TSACC: variants seen among roughly 807,000 people sequenced by gnomAD.
The protein encoded by TSACC is TSSK6-activating co-chaperone protein.
TSACC carries 3 observed loss-of-function variants against 6.9 expected under a neutral mutation model. That is an observed-to-expected ratio of 0.43 (90% CI 0.20 to 1.12). TSACC has a LOEUF of 1.12. TSACC is among the 50% of genes most tolerant of loss of function. The pLI is 0.28. For synonymous variants in TSACC, 54 were observed against 55.1 expected, an observed-to-expected ratio of 0.98 and a Z score of 0.09; for missense variants, 137 against 143.9, an observed-to-expected ratio of 0.95 and a Z score of 0.24.
rs192144126 is a variant in TSACC, at chr1:156,341,313, C to T, written c.34+1522C>T. Among the ~76,000 whole-genome samples the T allele has an allele frequency of 1.2e-3, 190 of 152,312 alleles. 1 individual carries two copies. The highest frequency in any genetic ancestry group is 4.4e-3 in the African/African-American group (181 of 41,576). ...GCAAATTTCATGACTTAAGTTTCCT[C>T]AAGTGAAATGTAGGTAAAGCTACCT... On this transcript the variant is annotated intron_variant, in intron 2 of 3. Transcript: ENST00000368254.
upstream of TSACC, chr1:156,337,802 C>A (rs202230308): frequency 2.5e-4 from 67 of 273,164 alleles, no homozygotes; most frequent in South Asian, 9.9e-4. Flanking sequence ...GAAAAAAAAA[C>A]AAAAAAAAAC....
intron 3 of TSACC, among the ~76,000 whole-genome samples, chr1:156,346,330 T>G (rs1397898335): frequency 3.3e-5 from 5 of 151,994 alleles, no homozygotes; most frequent in Admixed American, 3.3e-4. Context: ...TCCCCTGAGC[T>G]CTAGGGAAGG....
At position 156,346,765 on chromosome 1, in the gene TSACC, G is replaced by A; in HGVS notation, c.164-3G>A. ...TGCACCTCCGTTGCTTTTCCTTCTGGAGTTGATCACAAGCCCAAGGAATGC... is the reference window on the plus strand; with the variant it reads ...TGCACCTCCGTTGCTTTTCCTTCTGAAGTTGATCACAAGCCCAAGGAATGC... On this transcript the variant is annotated splice_region_variant and splice_polypyrimidine_tract_variant and intron_variant, in intron 3 of 3. Coordinates refer to ENST00000368254, the MANE Select transcript of TSACC (RefSeq NM_001304817.2). 6.2e-7 allele frequency: 1 copy of A among 1,613,530 alleles called. No individual in the cohort carries two copies. The highest frequency in any genetic ancestry group is 8.5e-7 in the Non-Finnish European group (1 of 1,179,886).
Position 156,344,553 on chromosome 1 carries a change from GCTCTGATTTAGTTAT to G in TSACC, c.35-13_36del. On this transcript the variant is annotated splice_polypyrimidine_tract_variant and intron_variant, in intron 2 of 3. Transcript: ENST00000368254. ...GAAAGGCTGTCCCTTGTTGGAATGA[GCTCTGATTTAGTTAT>G]CTCTGATTTAGTTCCAGCCAAAGAG... 1 of 1,611,028 alleles carries G rather than the reference GCTCTGATTTAGTTAT, an allele frequency of 6.2e-7. No individual in the cohort carries two copies.
chr1:156,337,494 G>C (rs1328717870), upstream of TSACC: 1 of 174,780 alleles, frequency 5.7e-6, no homozygotes, highest in Non-Finnish European at 1.2e-5. Context: ...CTGGTTAGTG[G>C]GAAAGAGTAC....
intron 2 of TSACC, among the ~76,000 whole-genome samples, chr1:156,343,885 C>T (rs1461037618): frequency 3.3e-5 from 5 of 152,022 alleles, no homozygotes; most frequent in East Asian, 1.9e-4. Flanking sequence ...GGACTACAAG[C>T]GTCTGCCACC....
upstream of TSACC, chr1:156,338,477 T>G (rs541617718): frequency 1.3e-4 from 70 of 524,112 alleles, no homozygotes; most frequent in Middle Eastern, 1.0e-3. Flanking sequence ...GGGTGGCCGC[T>G]CCCGGCCGCG....
chr1:156,344,521 C>G, intron 2 of TSACC, 59 bp from the exon 3 acceptor site: 1 of 1,587,388 alleles, frequency 6.3e-7, no homozygotes, highest in Non-Finnish European at 8.6e-7. Context: ...GTGCAGGGAT[C>G]TAATTAGAAA....
chr1:156,338,474 C>T (rs971994807), upstream of TSACC: 12 of 524,414 alleles, frequency 2.3e-5, no homozygotes, highest in Admixed American at 3.3e-4. Context: ...GTAGGGTGGC[C>T]GCTCCCGGCC....
At chr1:156,338,381 C>T (rs1357788423), upstream of TSACC, 6 of 595,988 alleles carry the variant, frequency 1.0e-5, no homozygotes, top group Non-Finnish European at 1.8e-5. Context: ...CAGCCTTAGT[C>T]CCGCCCCCTA....
chr1:156,344,289 A>G (rs1000509068), intron 2 of TSACC, among the ~76,000 whole-genome samples: 4 of 152,216 alleles, frequency 2.6e-5, no homozygotes, highest in African/African-American at 9.7e-5. Context: ...CTAAGCATCT[A>G]AGAAACCATG....
chr1:156,344,535 T>C (rs368308081), intron 2 of TSACC, 45 bp from the exon 3 acceptor site: 3 of 1,602,242 alleles, frequency 1.9e-6, no homozygotes, highest in Non-Finnish European at 2.6e-6. Context: ...TTAGAAAGGC[T>C]GTCCCTTGTT....
intron 2 of TSACC, among the ~76,000 whole-genome samples, chr1:156,344,058 G>T (rs1162056253): frequency 6.6e-6 from 1 of 152,024 alleles, no homozygotes; most frequent in Non-Finnish European, 1.5e-5. Flanking sequence ...AGTTTTTAAG[G>T]TTCAGTAAAT....
chr1:156,346,472 A>G (rs1399211531), intron 3 of TSACC, among the ~76,000 whole-genome samples: 1 of 152,198 alleles, frequency 6.6e-6, no homozygotes, highest in East Asian at 1.9e-4. Flanking sequence ...CTTACGTTCT[A>G]GAAGGGGGAC....
intron 3 of TSACC, among the ~76,000 whole-genome samples, chr1:156,345,879 G>GA (rs1666145143): frequency 6.8e-6 from 1 of 146,594 alleles, no homozygotes; most frequent in Non-Finnish European, 1.5e-5. Flanking sequence ...AAAAAAAAAA[G>GA]AAAAAAGAAA....
At chr1:156,340,681 G>C (rs1408593277) in intron 2 of TSACC, among the ~76,000 whole-genome samples, 2 of 148,116 alleles carry the variant, frequency 1.4e-5, no homozygotes, top group South Asian at 4.3e-4. Flanking sequence ...GGCTGGTTTC[G>C]AACTCCTGAC....
chr1:156,343,172 G>T (rs1298269330), intron 2 of TSACC, among the ~76,000 whole-genome samples: 1 of 152,088 alleles, frequency 6.6e-6, no homozygotes, highest in Non-Finnish European at 1.5e-5. Context: ...ACTTCTATTT[G>T]GATTTCCTAC....
chr1:156,345,464 G>A (rs1254929554), intron 3 of TSACC, among the ~76,000 whole-genome samples: 4 of 152,118 alleles, frequency 2.6e-5, no homozygotes, highest in Admixed American at 1.3e-4. Flanking sequence ...TTAGGAGGCC[G>A]AGGCAGGAGA....
upstream of TSACC, chr1:156,337,738 A>G (rs1385892341): frequency 4.7e-6 from 1 of 214,352 alleles, no homozygotes; most frequent in African/African-American, 2.3e-5. Context: ...AGATTGAAAC[A>G]TTTAAATTAC....
Sources: allele counts gnomAD v4.1 joint callset (sites outside exome capture counted in the v4.1 genomes callset), GRCh38; gene constraint gnomAD v4.1.1; transcripts MANE v1.5; gene names NCBI Gene and HGNC (gene_info 2026-07-23, HGNC 2026-07-21).